ELF2: variants seen among roughly 807,000 people sequenced by gnomAD.
ELF2 encodes ETS-related transcription factor Elf-2.
In ELF2, 11 loss-of-function variants were observed where a neutral mutation model predicts 54.8. The observed-to-expected ratio is 0.20, with a 90% CI of 0.13 to 0.33. The LOEUF (loss-of-function observed/expected upper bound fraction) is 0.33, where lower values mean the gene tolerates loss of function less well. ELF2 is among the 10% of genes least tolerant of loss of function. ELF2 has a pLI of 1.00. For missense variants in ELF2, 513 were observed against 703.0 expected, an observed-to-expected ratio of 0.73 and a Z score of 3.06; for synonymous variants, 203 against 245.1, an observed-to-expected ratio of 0.83 and a Z score of 1.61.
chr4:139,118,218 C>T (rs1735952923), intron 4 of ELF2, among the ~76,000 whole-genome samples: 1 of 151,806 alleles, frequency 6.6e-6, no homozygotes, highest in African/African-American at 2.4e-5. Flanking sequence ...GGAGTATATA[C>T]AACAAAAATA....
chr4:139,156,519 C>G (rs1432322777), intron 1 of ELF2, among the ~76,000 whole-genome samples: 2 of 151,730 alleles, frequency 1.3e-5, no homozygotes, highest in African/African-American at 4.8e-5. Flanking sequence ...CACATGGTCT[C>G]ATACCATGAC....
At chr4:139,162,995 G>A (rs948244126) in intron 1 of ELF2, among the ~76,000 whole-genome samples, 3 of 152,000 alleles carry the variant, frequency 2.0e-5, no homozygotes, top group East Asian at 1.9e-4. Context: ...CTACTCCAGG[G>A]GCTAAGACAG....
intron 1 of ELF2, among the ~76,000 whole-genome samples, chr4:139,166,199 T>C (rs1008696589): frequency 5.9e-5 from 9 of 152,234 alleles, no homozygotes; most frequent in African/African-American, 2.2e-4. Context: ...CTCTGGTCTT[T>C]ACTAATTTTA....
intron 2 of ELF2, among the ~76,000 whole-genome samples, chr4:139,139,136 T>C (rs564213375): frequency 1.6e-4 from 25 of 152,280 alleles, no homozygotes; most frequent in South Asian, 1.0e-3. Context: ...CCTTGTATTA[T>C]GTTTGCCTGC....
chr4:139,166,136 G>A (rs1480017075), intron 1 of ELF2, among the ~76,000 whole-genome samples: 4 of 152,096 alleles, frequency 2.6e-5, no homozygotes, highest in Admixed American at 6.6e-5. Flanking sequence ...TCAGGTGTTC[G>A]AGACCAGCCT....
At chr4:139,108,693 G>A (rs1734662217) in intron 4 of ELF2, among the ~76,000 whole-genome samples, 1 of 152,018 alleles carries the variant, frequency 6.6e-6, no homozygotes, top group South Asian at 2.1e-4. Flanking sequence ...GTGGGGAGGT[G>A]GTTAATGGAT....
chr4:139,131,004 AG>A (rs1737436202), intron 3 of ELF2, among the ~76,000 whole-genome samples: 1 of 152,208 alleles, frequency 6.6e-6, no homozygotes, highest in Non-Finnish European at 1.5e-5. Context: ...AGAAGAAACC[AG>A]GAGTCTTTGC....
At chr4:139,174,097 G>A (rs1004760980) in intron 1 of ELF2, among the ~76,000 whole-genome samples, 1 of 150,060 alleles carries the variant, frequency 6.7e-6, no homozygotes, top group Non-Finnish European at 1.5e-5. Context: ...GCCAGGTGTT[G>A]TGGCATGCGC....
intron 4 of ELF2, chr4:139,102,289 G>A (rs1401198789): frequency 6.6e-6 from 1 of 151,686 alleles, no homozygotes; most frequent in African/African-American, 2.4e-5. Flanking sequence ...TTGGGAGGCC[G>A]AGGTGGGTGG....
At chr4:139,151,402 G>A (rs775637005) in intron 1 of ELF2, among the ~76,000 whole-genome samples, 6 of 152,124 alleles carry the variant, frequency 3.9e-5, no homozygotes, top group African/African-American at 9.7e-5. Flanking sequence ...AAAATCAAGA[G>A]ACTGGCAAAA....
chr4:139,073,577 A>C lies in ELF2; in HGVS notation c.239-10T>G. On this transcript the variant is annotated splice_polypyrimidine_tract_variant and intron_variant, in intron 4 of 9. Coordinates refer to ENST00000686138, the MANE Select transcript of ELF2 (RefSeq NM_001331036.3). Reference sequence around the variant, plus strand: ...TGAACTGATGCTTCCACTGGAGGAAAAATAAGTTCTACTCAATTAAAAATA... The same window carrying C: ...TGAACTGATGCTTCCACTGGAGGAACAATAAGTTCTACTCAATTAAAAATA... 14 of 1,503,056 alleles carry C rather than the reference A, an allele frequency of 9.3e-6. No homozygotes were observed. The highest frequency in any genetic ancestry group is 1.3e-5 in the Non-Finnish European group (14 of 1,111,112). 93.1% of individuals were successfully genotyped at this position (1,503,056 alleles called of 1,614,324 possible). A position where few individuals can be genotyped will look rare whatever the true frequency, so the allele number is the denominator to read the frequency against.
intron 3 of ELF2, among the ~76,000 whole-genome samples, chr4:139,128,439 GTC>G (rs1036618170): frequency 2.0e-5 from 3 of 151,828 alleles, no homozygotes; most frequent in Non-Finnish European, 2.9e-5. Context: ...CAAAAAAATA[GTC>G]TAACTCCTTG....
chr4:139,113,848 A>G (rs1023030173), intron 4 of ELF2, among the ~76,000 whole-genome samples: 2 of 75,006 alleles, frequency 2.7e-5, no homozygotes, highest in African/African-American at 4.6e-5. Context: ...GAGAAAGACC[A>G]TGTCTCAAAA....
At chr4:139,165,461 G>A (rs985308700) in intron 1 of ELF2, among the ~76,000 whole-genome samples, 6 of 151,870 alleles carry the variant, frequency 4.0e-5, no homozygotes, top group East Asian at 1.9e-4. Context: ...GTCAGAGTTC[G>A]AGACCAACCT....
At chr4:139,160,688 G>A (rs563934866) in intron 1 of ELF2, among the ~76,000 whole-genome samples, 1 of 152,074 alleles carries the variant, frequency 6.6e-6, no homozygotes, top group Non-Finnish European at 1.5e-5. Flanking sequence ...ATTGGCCAGG[G>A]GTGGTGGCTC....
At chr4:139,175,630 G>A (rs1421481480) in intron 1 of ELF2, among the ~76,000 whole-genome samples, 2 of 152,080 alleles carry the variant, frequency 1.3e-5, no homozygotes, top group East Asian at 3.9e-4. Flanking sequence ...CCGTGATTCT[G>A]GCACCAAAGA....
At chr4:139,072,208 A>C in intron 5 of ELF2, 169 bp from the exon 6 acceptor site, 1 of 611,696 alleles carries the variant, frequency 1.6e-6, no homozygotes, top group Non-Finnish European at 2.7e-6. Flanking sequence ...TTTAAACTAC[A>C]TAAGGAAAAT....
rs1156469160 is a variant in ELF2, at chr4:139,063,952, G to A, written c.614-1895C>T. The stretch of plus-strand genomic sequence containing the variant: ...TAGTAGGCAGCGGTCATTAGAAGAC[G>A]CTTTTCAGATTGTTTTTATTTTATT... On this transcript the variant is annotated intron_variant, in intron 7 of 9. Coordinates refer to ENST00000686138, the MANE Select transcript of ELF2 (RefSeq NM_001331036.3). Among the ~76,000 whole-genome samples, 3 of 152,070 alleles carry A rather than the reference G, an allele frequency of 2.0e-5. No individual in the cohort carries two copies. The East Asian group carries it at 5.8e-4, about 29-fold the overall frequency.
At chr4:139,062,107 T>G in intron 7 of ELF2, 50 bp from the exon 8 acceptor site, 1 of 1,515,390 alleles carries the variant, frequency 6.6e-7, no homozygotes, top group Non-Finnish European at 9.0e-7. Flanking sequence ...CATAATTAAA[T>G]ACATAATTAA....
Sources: gnomAD v4.1 joint callset for allele counts (sites outside exome capture counted in the v4.1 genomes callset) on GRCh38, gnomAD v4.1.1 for gene constraint, MANE v1.5 for transcripts, NCBI Gene and HGNC (gene_info 2026-07-23, HGNC 2026-07-21) for gene names.